The following GRIN2D variants were observed in gnomAD, a reference collection of about 807,000 sequenced individuals.
The protein encoded by GRIN2D is glutamate receptor ionotropic, NMDA 2D.
Under a neutral mutation model 103.2 loss-of-function variants are expected in GRIN2D, and 37 were observed. The ratio of observed to expected loss-of-function variants is 0.36; its 90% CI spans 0.28 to 0.47. GRIN2D has a LOEUF of 0.47. Ranked by LOEUF, GRIN2D falls within the 20% of genes least tolerant of loss-of-function variation. The pLI is 1.00. For missense variants in GRIN2D, 1,557 were observed against 1,910.6 expected, an observed-to-expected ratio of 0.81 and a Z score of 3.45; for synonymous variants, 845 against 885.6, an observed-to-expected ratio of 0.95 and a Z score of 0.81.
intron 8 of GRIN2D, among the ~76,000 whole-genome samples, chr19:48,417,480 A>G (rs1163859768): frequency 2.0e-5 from 3 of 152,210 alleles, no homozygotes; most frequent in African/African-American, 4.8e-5. Context: ...AGTGCTTGTC[A>G]GTTCCCACTT....
chr19:48,422,076 G>C, intron 11 of GRIN2D, 131 bp downstream of exon 11: 1 of 804,062 alleles, frequency 1.2e-6, no homozygotes, highest in South Asian at 1.8e-5. Context: ...CTTGGAGGGC[G>C]GAGGTCACTG....
intron 9 of GRIN2D, 70 bp downstream of exon 9, chr19:48,419,429 A>C: frequency 6.5e-7 from 1 of 1,540,406 alleles, no homozygotes; most frequent in Non-Finnish European, 8.7e-7. Context: ...TACATTTCCC[A>C]GCAGCCCCTG....
At position 48,443,901 on chromosome 19, in the gene GRIN2D, C is replaced by T. The variant is rs2147478345; in HGVS notation, c.3975C>T (p.Gly1325=). 1.4e-6 allele frequency: 2 copies of T among 1,460,746 alleles called. No individual in the cohort carries two copies. The highest frequency in any genetic ancestry group is 1.5e-5 in the African/African-American group (1 of 67,890). 90.5% of individuals were successfully genotyped at this position (1,460,746 alleles called of 1,614,324 possible). Residue 1325 remains glycine (G), a synonymous_variant, in exon 14 of 14, where the codon GGC becomes GGT. Coordinates refer to ENST00000263269, the MANE Select transcript of GRIN2D (RefSeq NM_000836.4). The surrounding 1 kb of genome is among the most constrained non-coding windows in gnomAD (Gnocchi z 8.9). ...GCGGGGACCTGGGCACCCGCAGGGG[C>T]TCGGCGCACTTCTCTAGCCTCGAGT... is the stretch of plus-strand genomic sequence containing the variant. ...HRGGDLGTRR[G]SAHFSSLESE...
chr19:48,427,848 G>C (rs1971106353), intron 11 of GRIN2D, among the ~76,000 whole-genome samples: 1 of 151,934 alleles, frequency 6.6e-6, no homozygotes, highest in African/African-American at 2.4e-5. Context: ...ACTAATTTAA[G>C]TTCACAATTA....
At chr19:48,419,072 C>T (rs942498998) in intron 8 of GRIN2D, among the ~76,000 whole-genome samples, 162 bp from the exon 9 acceptor site, 2 of 146,484 alleles carry the variant, frequency 1.4e-5, no homozygotes, top group African/African-American at 5.1e-5. Flanking sequence ...TTTGTAGAGA[C>T]AGGGAGTTCA....
chr19:48,442,344 C>T lies in GRIN2D; in HGVS notation c.2635C>T (p.Pro879Ser), dbSNP rs1292974726. ...VYWRLRHCLG[P>S]THRMDFLLAF... is the part of the protein sequence containing the mutation. ...CTGGCGCCTGCGGCACTGCCTGGGGCCCACCCACCGCATGGACTTCCTGCT... is the reference window on the plus strand; with the variant it reads ...CTGGCGCCTGCGGCACTGCCTGGGGTCCACCCACCGCATGGACTTCCTGCT... Residue 879 changes from proline (P) to serine (S), a missense_variant, in exon 13 of 14, where the codon CCC becomes TCC. Around this residue, in one of 7 missense-constraint regions of GRIN2D, gnomAD observed 632 missense variants for 572.8 expected, o/e 1.10. Coordinates refer to ENST00000263269, the MANE Select transcript of GRIN2D (RefSeq NM_000836.4). This position sits in a 1 kb window ranked among gnomAD's most constrained non-coding sequence, Gnocchi z 7.2. The T allele has an allele frequency of 1.2e-6, 2 of 1,613,144 alleles. No homozygotes were observed. The highest frequency in any genetic ancestry group is 1.7e-6 in the Non-Finnish European group (2 of 1,179,954).
At chr19:48,409,639 G>C in intron 4 of GRIN2D, among the ~76,000 whole-genome samples, 1 of 152,160 alleles carries the variant, frequency 6.6e-6, no homozygotes, top group Non-Finnish European at 1.5e-5. Flanking sequence ...CTGTTCGGAA[G>C]CCTGTTTGGG....
intron 11 of GRIN2D, among the ~76,000 whole-genome samples, chr19:48,438,796 T>C (rs370950680): frequency 4.5e-4 from 68 of 151,926 alleles, no homozygotes; most frequent in African/African-American, 1.5e-3. Context: ...TGTTTTGTTT[T>C]TAGAGACAGG....
chr19:48,413,723 A>T (rs2147450328), intron 4 of GRIN2D, among the ~76,000 whole-genome samples: 1 of 151,280 alleles, frequency 6.6e-6, no homozygotes, highest in Non-Finnish European at 1.5e-5. Flanking sequence ...TCTCTACTTT[A>T]AAAAAGAAGG....
rs1467435145 is a variant in GRIN2D, at chr19:48,398,689, C to T, written c.297C>T (p.Leu99=). The T allele has an allele frequency of 1.3e-5, 19 of 1,462,364 alleles. No homozygotes were observed. The highest frequency in any genetic ancestry group is 1.6e-5 in the Non-Finnish European group (18 of 1,111,686). The allele number at this position is 1,462,364 out of a possible 1,614,324, so 90.6% of individuals were successfully genotyped here. Residue 99 remains leucine (L), a synonymous_variant, in exon 3 of 14, where the codon CTC becomes CTT. Coordinates refer to ENST00000263269, the MANE Select transcript of GRIN2D (RefSeq NM_000836.4). ...TCAACGGCTCGGACCCGCGCAGCCTCGTGCTGCAGCTCTGCGACCTGCTGT... is the reference window on the plus strand; with the variant it reads ...TCAACGGCTCGGACCCGCGCAGCCTTGTGCTGCAGCTCTGCGACCTGCTGT... ...LVLNGSDPRS[L]VLQLCDLLSG...
At chr19:48,430,704 T>G (rs1971145368) in intron 11 of GRIN2D, among the ~76,000 whole-genome samples, 1 of 152,210 alleles carries the variant, frequency 6.6e-6, no homozygotes, top group African/African-American at 2.4e-5. Flanking sequence ...GTTAACTAAT[T>G]CAAACCCAAA....
chr19:48,421,829 C>A lies in GRIN2D; in HGVS notation c.2136C>A (p.Thr712=), dbSNP rs773676046. The A allele has an allele frequency of 6.2e-7, 1 of 1,614,056 alleles. No homozygotes were observed. Among genetic ancestry groups the A allele is most frequent in the South Asian group, 1.1e-5 (1 of 91,080 alleles). ...QEQYPPLKFG[T]VPNGSTEKNI... is the part of the protein sequence containing the mutation. ...AGTACCCGCCCCTGAAGTTTGGGAC[C>A]GTGCCCAACGGCTCCACGGAGAAGA... is the stretch of plus-strand genomic sequence containing the variant. The change falls in exon 11 of 14, where the codon ACC becomes ACA. Residue 712 remains threonine, a synonymous_variant. Coordinates refer to ENST00000263269, the MANE Select transcript of GRIN2D (RefSeq NM_000836.4). This position sits in a 1 kb window ranked among gnomAD's most constrained non-coding sequence, Gnocchi z 4.8.
At chr19:48,419,172 C>T (rs1970984028) in intron 8 of GRIN2D, 62 bp from the exon 9 acceptor site, 4 of 1,547,032 alleles carry the variant, frequency 2.6e-6, no homozygotes, top group Admixed American at 2.0e-5. Flanking sequence ...AGGCACCGCC[C>T]CAGCCTGATC....
chr19:48,412,102 G>A lies in GRIN2D; in HGVS notation c.1086-1889G>A, dbSNP rs183539106. Reference sequence around the variant, plus strand: ...AGCACTTTGGAAGGCCGAGGCAGGCGGATCACAAGGTCAGGAGATCAAGAC... The same window carrying A: ...AGCACTTTGGAAGGCCGAGGCAGGCAGATCACAAGGTCAGGAGATCAAGAC... On this transcript the variant is annotated intron_variant, in intron 4 of 13. Coordinates refer to ENST00000263269, the MANE Select transcript of GRIN2D (RefSeq NM_000836.4). 1.8e-3 allele frequency among the ~76,000 whole-genome samples: 272 copies of A among 151,870 alleles called. 1 individual carries two copies. The highest frequency in any genetic ancestry group is 6.4e-3 in the African/African-American group (265 of 41,420).
In GRIN2D at chr19:48,443,791, G is replaced by C. The variant is rs1971343050; in HGVS notation, c.3865G>C (p.Gly1289Arg). Reference protein sequence around the residue: ...PRAAPARRLTGPSRHARRCPH... With the variant: ...PRAAPARRLTRPSRHARRCPH... ...CGCCGCCCCTGCGCGCAGGCTTACC[G>C]GGCCCTCCCGCCACGCTCGCAGGTG... The change falls in exon 14 of 14, where the codon GGG becomes CGG. Residue 1289 changes from glycine (G) to arginine (R), a missense_variant. Physicochemically the swap from Gly to Arg is moderately radical, Grantham distance 125. Around this residue, in one of 7 missense-constraint regions of GRIN2D, gnomAD observed 88 missense variants for 84.3 expected, o/e 1.04. Coordinates refer to ENST00000263269, the MANE Select transcript of GRIN2D (RefSeq NM_000836.4). This position sits in a 1 kb window ranked among gnomAD's most constrained non-coding sequence, Gnocchi z 8.9. The C allele has an allele frequency of 6.8e-7, 1 of 1,467,132 alleles. No individual in the cohort carries two copies. The highest frequency in any genetic ancestry group is 3.0e-5 in the East Asian group (1 of 33,466). 90.9% of individuals were successfully genotyped at this position (1,467,132 alleles called of 1,614,324 possible).
At position 48,414,062 on chromosome 19, in the gene GRIN2D, C is replaced by T; in HGVS notation, c.1157C>T (p.Ser386Phe). ...GAGGACGGCTTCCTAGTGAACCCCT[C>T]CCTGGTGGTCATCTCCCTCACCAGA... ...FNEDGFLVNPSLVVISLTRDR... is the reference protein window; with the variant it reads ...FNEDGFLVNPFLVVISLTRDR... The change falls in exon 5 of 14, where the codon TCC becomes TTC. Residue 386 changes from serine to phenylalanine, a missense_variant. Ser to Phe is a radical substitution (Grantham distance 155, BLOSUM62 -2). Coordinates refer to ENST00000263269, the MANE Select transcript of GRIN2D (RefSeq NM_000836.4). This position sits in a 1 kb window ranked among gnomAD's most constrained non-coding sequence, Gnocchi z 4.6. 1.2e-6 allele frequency: 2 copies of T among 1,612,440 alleles called. No individual in the cohort carries two copies. The highest frequency in any genetic ancestry group is 1.7e-6 in the Non-Finnish European group (2 of 1,178,488).
intron 10 of GRIN2D, among the ~76,000 whole-genome samples, chr19:48,420,321 G>A (rs1285695749): frequency 3.3e-5 from 5 of 151,950 alleles, no homozygotes; most frequent in Admixed American, 1.3e-4. Context: ...CCAGCTACCC[G>A]GGAGGCTGAG....
chr19:48,416,270 C>T (rs1003913256), intron 8 of GRIN2D, 115 bp downstream of exon 8: 2 of 808,918 alleles, frequency 2.5e-6, no homozygotes, highest in Non-Finnish European at 3.9e-6. Flanking sequence ...CTTGAACCCG[C>T]TGTGCAACTT....
At chr19:48,427,282 C>T (rs1040178283) in intron 11 of GRIN2D, among the ~76,000 whole-genome samples, 4 of 151,900 alleles carry the variant, frequency 2.6e-5, no homozygotes, top group Non-Finnish European at 4.4e-5. Flanking sequence ...GACCACACCA[C>T]TGCACTCCAG....
Sources: gnomAD v4.1 joint callset for allele counts (sites outside exome capture counted in the v4.1 genomes callset) on GRCh38, gnomAD v4.1.1 for gene constraint, gnomAD v4.1.1 regional missense constraint, Gnocchi (gnomAD v3.1) non-coding constraint, MANE v1.5 for transcripts, NCBI Gene and HGNC (gene_info 2026-07-23, HGNC 2026-07-21) for gene names.